Variants in RHBDL2 observed in about 807,000 individuals in gnomAD.
RHBDL2 encodes the protein rhomboid like 2.
Under a neutral mutation model 31.7 loss-of-function variants are expected in RHBDL2, and 26 were observed. The ratio of observed to expected loss-of-function variants is 0.82; its 90% CI spans 0.60 to 1.14. The LOEUF is 1.14. Among genes scored for constraint, RHBDL2 ranks in the 50% most tolerant of loss-of-function variants. RHBDL2 has a pLI of 0.00. For synonymous variants in RHBDL2, 123 were observed against 127.2 expected, an observed-to-expected ratio of 0.97 and a Z score of 0.22; for missense variants, 336 against 364.4, an observed-to-expected ratio of 0.92 and a Z score of 0.63.
chr1:38,903,626 A>G (rs1012931407), intron 4 of RHBDL2, among the ~76,000 whole-genome samples: 49 of 152,344 alleles, frequency 3.2e-4, no homozygotes, highest in African/African-American at 1.2e-3. Flanking sequence ...TGGAAGACTC[A>G]ATATTGTTAA....
intron 4 of RHBDL2, among the ~76,000 whole-genome samples, chr1:38,908,252 C>A (rs1643093467): frequency 2.0e-5 from 3 of 151,426 alleles, no homozygotes; most frequent in Non-Finnish European, 4.4e-5. Flanking sequence ...GTGGCTCATG[C>A]CTGTAATCCC....
chr1:38,927,167 C>T (rs1299861760), intron 1 of RHBDL2, among the ~76,000 whole-genome samples: 1 of 152,132 alleles, frequency 6.6e-6, no homozygotes, highest in African/African-American at 2.4e-5. Flanking sequence ...GTGGCTCACG[C>T]CTGTAATCCC....
intron 1 of RHBDL2, among the ~76,000 whole-genome samples, chr1:38,937,290 G>C (rs1643521229): frequency 6.6e-6 from 1 of 152,164 alleles, no homozygotes; most frequent in African/African-American, 2.4e-5. Context: ...CGAGTCTGTA[G>C]TAGAGGCACA....
At chr1:38,907,140 A>G (rs1466921169) in intron 4 of RHBDL2, among the ~76,000 whole-genome samples, 1 of 152,246 alleles carries the variant, frequency 6.6e-6, no homozygotes, top group Non-Finnish European at 1.5e-5. Context: ...TGTAAAAGCA[A>G]TTCAACAAAG....
chr1:38,902,349 G>T (rs1643003567), intron 4 of RHBDL2, among the ~76,000 whole-genome samples: 1 of 149,412 alleles, frequency 6.7e-6, no homozygotes, highest in African/African-American at 2.4e-5. Flanking sequence ...GGGACTACAG[G>T]TGTGCACCAC....
intron 5 of RHBDL2, 145 bp from the exon 6 acceptor site, chr1:38,893,369 T>G: frequency 1.9e-6 from 1 of 513,574 alleles, no homozygotes; most frequent in Non-Finnish European, 3.5e-6. Context: ...CACAGCCGAG[T>G]TTTTAAATGT....
At position 38,920,166 on chromosome 1, in the gene RHBDL2, C is replaced by CTTTTTTTTT. The variant is rs71057165; in HGVS notation, c.-125-838_-125-830dup. Among the ~76,000 whole-genome samples the CTTTTTTTTT allele has an allele frequency of 3.9e-4, 43 of 111,376 alleles. 1 individual carries two copies. Among genetic ancestry groups the CTTTTTTTTT allele is most frequent in the East Asian group, 5.1e-4 (2 of 3,902 alleles). The allele number at this position is 111,376 out of a possible 152,430, so 73.1% of individuals were successfully genotyped here. ...GTGGTTGGCTTCCTTCACATGTTTT[C>CTTTTTTTTT]TTTTTTTTTTTTTTTTTTTGAGATG... On this transcript the variant is annotated intron_variant, in intron 1 of 7. Transcript: ENST00000372990.
chr1:38,887,016 C>T (rs1057000267), intron 7 of RHBDL2, among the ~76,000 whole-genome samples: 2 of 152,158 alleles, frequency 1.3e-5, no homozygotes, highest in African/African-American at 4.8e-5. Context: ...CATGAGGGAT[C>T]TCTATAGCAG....
intron 1 of RHBDL2, chr1:38,929,691 G>T: frequency 1.6e-6 from 1 of 613,226 alleles, no homozygotes; most frequent in Non-Finnish European, 2.0e-6. Flanking sequence ...GGGGCTGCCA[G>T]GGAGACTTTC....
intron 4 of RHBDL2, among the ~76,000 whole-genome samples, chr1:38,897,619 C>T (rs1428121320): frequency 6.6e-6 from 1 of 152,016 alleles, no homozygotes; most frequent in Non-Finnish European, 1.5e-5. Flanking sequence ...AGAGGCTGAG[C>T]CAATAGGATC....
At chr1:38,923,369 C>A (rs1048214501) in intron 1 of RHBDL2, among the ~76,000 whole-genome samples, 1 of 152,188 alleles carries the variant, frequency 6.6e-6, no homozygotes, top group Non-Finnish European at 1.5e-5. Context: ...TGGACTTCAG[C>A]GGGGTTGCTG....
chr1:38,920,384 T>C (rs966472611), intron 1 of RHBDL2, among the ~76,000 whole-genome samples: 3 of 151,848 alleles, frequency 2.0e-5, no homozygotes, highest in African/African-American at 7.3e-5. Flanking sequence ...GCCAGGCTAG[T>C]CTCGAACTCC....
chr1:38,904,398 G>A (rs1191409067), intron 4 of RHBDL2, among the ~76,000 whole-genome samples: 4 of 151,866 alleles, frequency 2.6e-5, no homozygotes, highest in South Asian at 2.1e-4. Context: ...GCGTGAACCC[G>A]GAGGCGGAAT....
rs183022904 is a variant in RHBDL2, at chr1:38,904,531, T to C, written c.508+6791A>G. 4.2e-3 allele frequency among the ~76,000 whole-genome samples: 630 copies of C among 151,510 alleles called. 5 individuals carry two copies. The highest frequency in any genetic ancestry group is 5.6e-3 in the Non-Finnish European group (380 of 67,904). On this transcript the variant is annotated intron_variant, in intron 4 of 7. Transcript: ENST00000372990. ...CACTAAAAGCCACAATTCCTAAAGT[T>C]TGAAAATGTATAAAAGGCCAGGCAT...
intron 1 of RHBDL2, among the ~76,000 whole-genome samples, chr1:38,931,521 CAA>C (rs201157232): frequency 6.1e-5 from 8 of 131,232 alleles, no homozygotes; most frequent in East Asian, 4.3e-4. Context: ...GACTCCGTCT[CAA>C]AAAAAAAAAA....
chr1:38,929,718 G>A (rs1643419942), intron 1 of RHBDL2: 4 of 311,676 alleles, frequency 1.3e-5, no homozygotes, highest in African/African-American at 4.5e-5. Context: ...GTTGCTAGGC[G>A]CCTGGGTAAT....
chr1:38,922,010 A>G (rs1456286334), intron 1 of RHBDL2, among the ~76,000 whole-genome samples: 1 of 152,238 alleles, frequency 6.6e-6, no homozygotes, highest in African/African-American at 2.4e-5. Context: ...AGGAGCTACA[A>G]AAATAAGGAT....
chr1:38,926,101 C>A, intron 1 of RHBDL2: 8 of 1,193,972 alleles, frequency 6.7e-6, no homozygotes, highest in Non-Finnish European at 8.6e-6. Context: ...CAGACATTAA[C>A]CATGCCCAAT....
chr1:38,913,620 G>A (rs901869375), intron 3 of RHBDL2: 5 of 151,866 alleles, frequency 3.3e-5, no homozygotes, highest in African/African-American at 4.8e-5. Flanking sequence ...CAAGTAGCTG[G>A]GACTGCAGGT....
Sources: gnomAD v4.1 joint callset for allele counts (sites outside exome capture counted in the v4.1 genomes callset) on GRCh38, gnomAD v4.1.1 for gene constraint, MANE v1.5 for transcripts, NCBI Gene and HGNC (gene_info 2026-07-23, HGNC 2026-07-21) for gene names.